TOX2: variants seen among roughly 807,000 people sequenced by gnomAD.
TOX2 encodes the protein granulosa cell HMG box 1.
In TOX2, 15 loss-of-function variants were observed where a neutral mutation model predicts 47.4. The ratio of observed to expected loss-of-function variants is 0.32; its 90% CI spans 0.21 to 0.49. The LOEUF is 0.49. Ranked by LOEUF, TOX2 falls within the 20% of genes least tolerant of loss-of-function variation. The pLI, the probability that TOX2 is intolerant of heterozygous loss-of-function variation, is 0.99. For missense variants in TOX2, 622 were observed against 673.1 expected, an observed-to-expected ratio of 0.92 and a Z score of 0.84; for synonymous variants, 290 against 296.6, an observed-to-expected ratio of 0.98 and a Z score of 0.23.
rs187496938 is a variant in TOX2, at chr20:43,992,537, G to A, written c.166-14010G>A. Among the ~76,000 whole-genome samples, 55 of 152,276 alleles carry A rather than the reference G, an allele frequency of 3.6e-4. 1 individual carries two copies. Among genetic ancestry groups the A allele is most frequent in the Admixed American group, 1.1e-3 (17 of 15,302 alleles). ...CTGTGGGAAACTCATGTGGCGTAAG[G>A]AAGGATCATAGCCTTCAGATCGAGC... On this transcript the variant is annotated intron_variant, in intron 2 of 8. Transcript: ENST00000341197.
At chr20:43,956,544 G>A (rs1220498196) in intron 1 of TOX2, among the ~76,000 whole-genome samples, 1 of 138,568 alleles carries the variant, frequency 7.2e-6, no homozygotes, top group Non-Finnish European at 1.5e-5. Context: ...CTGGGTGAGA[G>A]TAAGGTTCTA....
intron 2 of TOX2, among the ~76,000 whole-genome samples, chr20:43,993,160 A>G (rs2070401182): frequency 1.3e-5 from 2 of 152,132 alleles, no homozygotes; most frequent in Non-Finnish European, 2.9e-5. Context: ...CGGATCATGC[A>G]GGACTTTGCA....
intron 3 of TOX2, among the ~76,000 whole-genome samples, chr20:44,017,165 A>C (rs1305502155): frequency 6.6e-6 from 1 of 152,208 alleles, no homozygotes; most frequent in Non-Finnish European, 1.5e-5. Flanking sequence ...GAAGGGAATT[A>C]CTTGTCCAGG....
chr20:44,017,436 C>A (rs904602173), intron 3 of TOX2, among the ~76,000 whole-genome samples: 1 of 152,158 alleles, frequency 6.6e-6, no homozygotes, highest in Non-Finnish European at 1.5e-5. Flanking sequence ...GGCTTCACCA[C>A]CTCTGTGCCA....
intron 1 of TOX2, among the ~76,000 whole-genome samples, chr20:43,934,584 A>T (rs753281622): frequency 6.6e-6 from 1 of 151,984 alleles, no homozygotes; most frequent in Non-Finnish European, 1.5e-5. Flanking sequence ...ACCTGACTGG[A>T]TGGGCAGAGG....
At chr20:43,949,479 T>G (rs1241171018) in intron 1 of TOX2, among the ~76,000 whole-genome samples, 1 of 152,230 alleles carries the variant, frequency 6.6e-6, no homozygotes, top group Non-Finnish European at 1.5e-5. Flanking sequence ...CTGGATCTGT[T>G]CTGATACCTT....
At chr20:43,991,913 A>G (rs2070375809) in intron 2 of TOX2, among the ~76,000 whole-genome samples, 1 of 152,112 alleles carries the variant, frequency 6.6e-6, no homozygotes, top group Non-Finnish European at 1.5e-5. Context: ...AGGATTACAG[A>G]CGTGAGCCAC....
chr20:43,998,075 A>G (rs1405072577), intron 2 of TOX2, among the ~76,000 whole-genome samples: 1 of 152,222 alleles, frequency 6.6e-6, no homozygotes, highest in African/African-American at 2.4e-5. Flanking sequence ...CAGGAAACTT[A>G]CAATCATGGT....
At chr20:44,065,179 C>T (rs369250425) in intron 6 of TOX2, among the ~76,000 whole-genome samples, 176 of 152,268 alleles carry the variant, frequency 1.2e-3, no homozygotes, top group African/African-American at 3.9e-3. Context: ...CACTTCTGAC[C>T]GCTGATGGGG....
At chr20:44,012,142 G>A (rs1039738599) in intron 3 of TOX2, among the ~76,000 whole-genome samples, 7 of 152,238 alleles carry the variant, frequency 4.6e-5, no homozygotes, top group Non-Finnish European at 8.8e-5. Context: ...CATTTCGAGA[G>A]AGATATTGTA....
At chr20:43,940,644 G>A (rs754389634) in intron 1 of TOX2, among the ~76,000 whole-genome samples, 6 of 152,050 alleles carry the variant, frequency 3.9e-5, no homozygotes, top group African/African-American at 1.2e-4. Flanking sequence ...AGCCAGAGTC[G>A]CAGGGATGGA....
chr20:43,946,019 C>T (rs1260628441), intron 1 of TOX2: 2 of 1,614,056 alleles, frequency 1.2e-6, no homozygotes, highest in South Asian at 2.2e-5. Flanking sequence ...TGGTGCATTG[C>T]AGGTGTGTTT....
chr20:43,950,725 C>T (rs2069547425), intron 1 of TOX2, among the ~76,000 whole-genome samples: 1 of 152,026 alleles, frequency 6.6e-6, no homozygotes, highest in Non-Finnish European at 1.5e-5. Flanking sequence ...CTCGACATTC[C>T]CAATACCCCT....
chr20:44,051,063 G>A (rs546293278), intron 3 of TOX2, among the ~76,000 whole-genome samples: 1 of 152,332 alleles, frequency 6.6e-6, no homozygotes, highest in African/African-American at 2.4e-5. Context: ...GCGTCTGTCC[G>A]AGGTGAATGT....
At chr20:43,920,013 T>C (rs1490598935) in intron 1 of TOX2, among the ~76,000 whole-genome samples, 2 of 152,224 alleles carry the variant, frequency 1.3e-5, no homozygotes, top group Non-Finnish European at 2.9e-5. Flanking sequence ...TTGGATTCAG[T>C]TGGTCTGGCA....
intron 1 of TOX2, among the ~76,000 whole-genome samples, chr20:43,938,680 G>C (rs1367670270): frequency 6.6e-6 from 1 of 152,210 alleles, no homozygotes; most frequent in African/African-American, 2.4e-5. Context: ...GCTAGTATTT[G>C]ACAGAGCTGG....
rs1009089240 is a variant in TOX2, at chr20:43,916,650, G to A, written c.99+1660G>A. ...TTTCAGGGAGGAGAAGGTTGGGTGTGGGGGCAGCTGGTCTGTCTTCTGCCC... is the reference window on the plus strand; with the variant it reads ...TTTCAGGGAGGAGAAGGTTGGGTGTAGGGGCAGCTGGTCTGTCTTCTGCCC... On this transcript the variant is annotated intron_variant, in intron 1 of 8. Coordinates refer to ENST00000341197, the MANE Select transcript of TOX2 (RefSeq NM_001098797.2). This position sits in a 1 kb window ranked among gnomAD's most constrained non-coding sequence, Gnocchi z 5.0. 6.6e-6 allele frequency among the ~76,000 whole-genome samples: 1 copy of A among 152,204 alleles called. No homozygotes were observed. The highest frequency in any genetic ancestry group is 2.4e-5 in the African/African-American group (1 of 41,462).
At chr20:43,965,435 G>A (rs2069833989) in intron 1 of TOX2, among the ~76,000 whole-genome samples, 1 of 152,168 alleles carries the variant, frequency 6.6e-6, no homozygotes, top group Admixed American at 6.5e-5. Context: ...GAAGGCAGGG[G>A]CCGTGTCATC....
intron 3 of TOX2, among the ~76,000 whole-genome samples, chr20:44,026,001 G>A (rs376007335): frequency 2.8e-4 from 42 of 152,002 alleles, no homozygotes; most frequent in African/African-American, 9.7e-4. Context: ...GTCCTCTGAC[G>A]TGGCCATGGA....
Sources: allele counts gnomAD v4.1 joint callset (sites outside exome capture counted in the v4.1 genomes callset), GRCh38; gene constraint gnomAD v4.1.1; non-coding constraint Gnocchi (gnomAD v3.1); transcripts MANE v1.5; gene names NCBI Gene and HGNC (gene_info 2026-07-23, HGNC 2026-07-21).